Variants in TDRD1 observed in about 807,000 individuals in gnomAD.
TDRD1 encodes the protein tudor domain-containing protein 1.
TDRD1 carries 37 observed loss-of-function variants against 140.6 expected under a neutral mutation model. The observed-to-expected ratio is 0.26, with a 90% confidence interval of 0.20 to 0.35. The LOEUF (loss-of-function observed/expected upper bound fraction) is 0.35. Ranked by LOEUF, TDRD1 falls within the 10% of genes least tolerant of loss-of-function variation. TDRD1 has a pLI of 1.00. For missense variants in TDRD1, 1,243 were observed against 1,393.0 expected, an observed-to-expected ratio of 0.89 and a Z score of 1.71; for synonymous variants, 506 against 475.7, an observed-to-expected ratio of 1.06 and a Z score of -0.83.
At chr10:114,200,100 T>C (rs1206724804) in intron 4 of TDRD1, among the ~76,000 whole-genome samples, 5 of 152,260 alleles carry the variant, frequency 3.3e-5, no homozygotes, top group Non-Finnish European at 5.9e-5. Flanking sequence ...CACATCCTCG[T>C]CCACATTTGG....
intron 4 of TDRD1, among the ~76,000 whole-genome samples, chr10:114,200,519 G>A (rs191207699): frequency 3.3e-5 from 5 of 152,106 alleles, no homozygotes; most frequent in Non-Finnish European, 5.9e-5. Context: ...TGTTTTTCAC[G>A]ATACACAGCC....
intron 11 of TDRD1, among the ~76,000 whole-genome samples, chr10:114,206,618 T>G (rs550651314): frequency 5.3e-5 from 8 of 149,988 alleles, no homozygotes; most frequent in East Asian, 1.9e-4. Flanking sequence ...TTTGTTTTTT[T>G]TTTTTTTTTT....
intron 10 of TDRD1, among the ~76,000 whole-genome samples, chr10:114,205,307 T>C (rs943584703): frequency 6.6e-6 from 1 of 152,216 alleles, no homozygotes; most frequent in Admixed American, 6.5e-5. Context: ...AATTCTCTTC[T>C]TCCCTTCTGG....
In TDRD1 at chr10:114,212,166, A is replaced by G. The variant is rs2035527198; in HGVS notation, c.1831+130A>G. On this transcript the variant is annotated intron_variant, in intron 14 of 25. Coordinates refer to ENST00000251864, the Ensembl canonical transcript of TDRD1. ...GATCAGATGCTTAAAAGTTACTATA[A>G]ATGTCATTTATCCCAAAGAAATCAG... 1.0e-5 allele frequency: 8 copies of G among 772,034 alleles called. No homozygotes were observed. The East Asian group carries it at 2.5e-4, about 25-fold the overall frequency. The allele number at this position is 772,034 out of a possible 1,614,324, so 47.8% of individuals were successfully genotyped here. A position where few individuals can be genotyped will look rare whatever the true frequency, so the allele number is the denominator to read the frequency against.
chr10:114,226,481 A>G (rs1403043248), intron 22 of TDRD1, among the ~76,000 whole-genome samples: 1 of 152,184 alleles, frequency 6.6e-6, no homozygotes, highest in Non-Finnish European at 1.5e-5. Context: ...TTGCTAAGCT[A>G]GTAAGTGGCA....
exon 23 of TDRD1, chr10:114,227,252 G>A: frequency 6.2e-7 from 1 of 1,614,138 alleles, no homozygotes; most frequent in African/African-American, 1.3e-5. Flanking sequence ...GTGACATTTG[G>A]TCTGGCAAAA....
At chr10:114,228,677 G>A in intron 25 of TDRD1, 1 of 985,352 alleles carries the variant, frequency 1.0e-6, no homozygotes, top group Non-Finnish European at 1.2e-6. Flanking sequence ...AGAACATACT[G>A]GTGAGTTTTA....
chr10:114,180,189 A>T (rs2032924241), intron 1 of TDRD1: 1 of 152,218 alleles, frequency 6.6e-6, no homozygotes, highest in Non-Finnish European at 1.5e-5. Context: ...TAGGAGTGGT[A>T]TAAAAGTAAA....
intron 1 of TDRD1, among the ~76,000 whole-genome samples, chr10:114,181,809 G>A (rs2033090680): frequency 6.7e-6 from 1 of 148,504 alleles, no homozygotes; most frequent in East Asian, 2.0e-4. Context: ...TCATGCCGCT[G>A]CACTCCATTC....
chr10:114,192,737 T>A (rs1339520697), intron 3 of TDRD1, among the ~76,000 whole-genome samples: 1 of 152,192 alleles, frequency 6.6e-6, no homozygotes, highest in Non-Finnish European at 1.5e-5. Context: ...CTTTCACACA[T>A]TTGCCAAAAT....
chr10:114,223,780 A>G (rs2036283405), intron 21 of TDRD1, among the ~76,000 whole-genome samples: 1 of 152,264 alleles, frequency 6.6e-6, no homozygotes, highest in Non-Finnish European at 1.5e-5. Context: ...ACTGTCACTA[A>G]TTATTTCCAG....
chr10:114,213,977 T>C (rs747136880), exon 16 of TDRD1: 3 of 1,613,922 alleles, frequency 1.9e-6, no homozygotes, highest in South Asian at 1.1e-5. Flanking sequence ...ATTTTCACAG[T>C]TCCCTTGGGT....
At chr10:114,202,370 A>G (rs2034809396) in intron 6 of TDRD1, 72 bp downstream of exon 6, 2 of 1,101,588 alleles carry the variant, frequency 1.8e-6, no homozygotes, top group Admixed American at 5.1e-5. Context: ...TAAATATTTT[A>G]GGCTTATTTC....
intron 1 of TDRD1, among the ~76,000 whole-genome samples, chr10:114,187,306 T>C (rs1413639720): frequency 6.6e-6 from 1 of 151,906 alleles, no homozygotes; most frequent in Non-Finnish European, 1.5e-5. Flanking sequence ...CTGAGATGGA[T>C]TGTGAAGCCT....
At chr10:114,214,987 C>G (rs969740604) in intron 16 of TDRD1, among the ~76,000 whole-genome samples, 22 of 152,128 alleles carry the variant, frequency 1.4e-4, no homozygotes, top group African/African-American at 5.3e-4. Flanking sequence ...GTGAATCCAC[C>G]TGCCTCGGCC....
chr10:114,178,031 C>T (rs749424537), upstream of TDRD1, among the ~76,000 whole-genome samples: 11 of 151,508 alleles, frequency 7.3e-5, no homozygotes, highest in Non-Finnish European at 1.3e-4. Context: ...TAAGTAGAGA[C>T]GGGGTTTCAC....
chr10:114,201,425 C>G lies in TDRD1; in HGVS notation c.545C>G (p.Ser182Cys). ...TGTTTTCTAGGATCGCTGAGGTGCT[C>G]TCAGTGCAAGCAGACCTACTATTGC... is the stretch of plus-strand genomic sequence containing the variant. Residue 182 changes from serine to cysteine, a missense_variant, in exon 5 of 26, where the codon TCT becomes TGT. By Grantham distance (112) the Ser-to-Cys change is moderately radical. This residue lies in a region of TDRD1 where 237 missense variants were observed against 215.5 expected (regional missense o/e 1.10). Transcript: ENST00000251864. 2 of 1,613,928 alleles carry G rather than the reference C, an allele frequency of 1.2e-6. No individual in the cohort carries two copies. The highest frequency in any genetic ancestry group is 1.7e-6 in the Non-Finnish European group (2 of 1,179,928).
chr10:114,200,723 A>G (rs1287130022), intron 4 of TDRD1, among the ~76,000 whole-genome samples: 1 of 151,838 alleles, frequency 6.6e-6, no homozygotes, highest in Non-Finnish European at 1.5e-5. Flanking sequence ...GGGTTTCACC[A>G]TGTTGGCCAG....
chr10:114,194,669 T>G (rs1385338063), intron 3 of TDRD1, among the ~76,000 whole-genome samples: 1 of 151,892 alleles, frequency 6.6e-6, no homozygotes, highest in African/African-American at 2.4e-5. Context: ...TCTTCTTTTA[T>G]CTTTATTATC....
Sources: gnomAD v4.1 joint callset for allele counts (sites outside exome capture counted in the v4.1 genomes callset) on GRCh38, gnomAD v4.1.1 for gene constraint, gnomAD v4.1.1 regional missense constraint, MANE v1.5 for transcripts, NCBI Gene and HGNC (gene_info 2026-07-23, HGNC 2026-07-21) for gene names.